RICTOR: variants seen among roughly 807,000 people sequenced by gnomAD.
RICTOR encodes RPTOR independent companion of MTOR complex 2, also known as rapamycin-insensitive companion of mTOR.
In RICTOR, 49 loss-of-function variants were observed where a neutral mutation model predicts 214.9. The observed-to-expected ratio is 0.23, with a 90% CI of 0.18 to 0.29. RICTOR has a LOEUF of 0.29. Ranked by LOEUF, RICTOR falls within the 10% of genes least tolerant of loss-of-function variation. The pLI is 1.00. For synonymous variants in RICTOR, 717 were observed against 711.3 expected (o/e 1.01, Z -0.13); for missense variants, 1,625 against 2,047.0 (o/e 0.79, Z 3.98).
chr5:38,959,311 G>T lies in RICTOR; in HGVS notation c.2062C>A (p.Leu688Ile). The T allele has an allele frequency of 6.5e-7, 1 of 1,531,370 alleles. No individual in the cohort carries two copies. Among genetic ancestry groups the T allele is most frequent in the South Asian group, 1.2e-5 (1 of 80,412 alleles). The allele number at this position is 1,531,370 out of a possible 1,614,324, so 94.9% of individuals were successfully genotyped here. Residue 688 changes from leucine to isoleucine, a missense_variant, in exon 22 of 38, where the codon CTT becomes ATT. This residue lies in a region of RICTOR where 1,214 missense variants were observed against 1,470.5 expected (regional missense o/e 0.83). Transcript: ENST00000357387. Reference protein sequence around the residue: ...KCSVFQCLLNLCSLKNQDHLL... With the variant: ...KCSVFQCLLNICSLKNQDHLL... ...TGATCTTGGTTTTTCAAGGAGCAAA[G>T]ATTAAGGAGACTTAAAAGAAAAAAA...
In RICTOR at chr5:39,074,115, G is replaced by A. The variant is rs754246719; in HGVS notation, c.93C>T (p.Thr31=). ...SGEENVPLDL[T]REPSDNLREI... ...GCCCGCGGCGCCCCGCGTTACCTCG[G>A]GTCAGATCCAGCGGGACGTTCTCCT... Residue 31 remains threonine (T), a synonymous_variant, in exon 2 of 38, where the codon ACC becomes ACT. Coordinates refer to ENST00000357387, the MANE Select transcript of RICTOR (RefSeq NM_152756.5). 1 of 1,577,844 alleles carries A rather than the reference G, an allele frequency of 6.3e-7. No homozygotes were observed. The highest frequency in any genetic ancestry group is 1.8e-5 in the Admixed American group (1 of 55,972).
At position 38,963,267 on chromosome 5, in the gene RICTOR, T is replaced by C. The variant is rs558491885; in HGVS notation, c.1401-226A>G. On this transcript the variant is annotated intron_variant, in intron 16 of 37. Transcript: ENST00000357387. ...CAATTGAACATGTACTTACTAAACTTTTCTTCTATGGTGGTAGGTATTTTT... is the reference window on the plus strand; with the variant it reads ...CAATTGAACATGTACTTACTAAACTCTTCTTCTATGGTGGTAGGTATTTTT... Among the ~76,000 whole-genome samples, 8 of 152,112 alleles carry C rather than the reference T, an allele frequency of 5.3e-5. No homozygotes were observed. In the South Asian group the frequency reaches 1.7e-3, roughly 32 times the overall value.
rs142070492 is a variant in RICTOR, at chr5:38,958,017, C to T, written c.2421-287G>A. Among the ~76,000 whole-genome samples, 38 of 152,250 alleles carry T rather than the reference C, an allele frequency of 2.5e-4. No individual in the cohort carries two copies. In the East Asian group the frequency reaches 6.2e-3, roughly 25 times the overall value. On this transcript the variant is annotated intron_variant, in intron 24 of 37. Coordinates refer to ENST00000357387, the MANE Select transcript of RICTOR (RefSeq NM_152756.5). ...CTGTGGGAGGCCAAGGTGAGTGGAT[C>T]ACCTGGTCAAGAGTTCAAGACCAGC... is the stretch of plus-strand genomic sequence containing the variant.
At chr5:38,975,471 T>G in intron 10 of RICTOR, 66 bp downstream of exon 10, 3 of 1,097,994 alleles carry the variant, frequency 2.7e-6, no homozygotes, top group Admixed American at 1.7e-5. Flanking sequence ...CAATAATAAT[T>G]TAACATTTGA....
At chr5:39,009,031 ATCAAC>A (rs1325196635) in intron 3 of RICTOR, among the ~76,000 whole-genome samples, 1 of 152,108 alleles carries the variant, frequency 6.6e-6, no homozygotes, top group East Asian at 1.9e-4. Flanking sequence ...ATTTACACAT[ATCAAC>A]TCAACTGCTT....
At chr5:39,030,779 GGTT>G (rs1424900763) in intron 2 of RICTOR, among the ~76,000 whole-genome samples, 1 of 151,996 alleles carries the variant, frequency 6.6e-6, no homozygotes, top group East Asian at 1.9e-4. Context: ...TTTAAGACCA[GGTT>G]GTTGTTGCTA....
intron 2 of RICTOR, among the ~76,000 whole-genome samples, chr5:39,043,688 T>C (rs1268504129): frequency 2.0e-5 from 3 of 152,186 alleles, no homozygotes; most frequent in Admixed American, 6.6e-5. Flanking sequence ...AAAGCTCTTG[T>C]TGAAATTTCA....
At chr5:39,004,305 T>C (rs1238910754) in intron 3 of RICTOR, among the ~76,000 whole-genome samples, 7 of 152,218 alleles carry the variant, frequency 4.6e-5, no homozygotes, top group African/African-American at 1.4e-4. Context: ...TTTTTTTACA[T>C]TGAAGTTTGA....
intron 2 of RICTOR, among the ~76,000 whole-genome samples, chr5:39,050,197 T>C (rs1414740342): frequency 6.9e-6 from 1 of 145,478 alleles, no homozygotes; most frequent in Non-Finnish European, 1.5e-5. Context: ...AATAAATAAA[T>C]AAATATATAT....
At chr5:39,063,885 G>C (rs1432396870) in intron 2 of RICTOR, among the ~76,000 whole-genome samples, 3 of 150,600 alleles carry the variant, frequency 2.0e-5, no homozygotes, top group Non-Finnish European at 2.9e-5. Context: ...TGAAAATCCA[G>C]GTAATTAAGG....
intron 2 of RICTOR, among the ~76,000 whole-genome samples, chr5:39,055,366 T>G (rs1017762063): frequency 6.6e-6 from 1 of 151,444 alleles, no homozygotes; most frequent in Non-Finnish European, 1.5e-5. Flanking sequence ...ACATGGTGCC[T>G]CCTCGGTATC....
chr5:38,968,737 T>TAAA (rs1157586174), intron 11 of RICTOR, among the ~76,000 whole-genome samples: 2 of 131,516 alleles, frequency 1.5e-5, no homozygotes, highest in African/African-American at 2.8e-5. Flanking sequence ...CCCTGCCTCT[T>TAAA]AAAAAAAAAA....
intron 2 of RICTOR, among the ~76,000 whole-genome samples, chr5:39,055,195 C>T (rs1410464302): frequency 6.6e-6 from 1 of 152,084 alleles, no homozygotes; most frequent in Non-Finnish European, 1.5e-5. Flanking sequence ...GTTGTACCAC[C>T]CTCTCCAAGT....
chr5:38,984,049 T>A (rs1390781714), intron 7 of RICTOR, among the ~76,000 whole-genome samples: 1 of 12,494 alleles, frequency 8.0e-5, no homozygotes, highest in Non-Finnish European at 2.7e-4. Context: ...AAGAATTACC[T>A]GTTTTTTTTT....
In RICTOR at chr5:38,949,704, T is replaced by C; in HGVS notation, c.4136+8A>G. On this transcript the variant is annotated splice_region_variant and intron_variant, in intron 31 of 37. Coordinates refer to ENST00000357387, the MANE Select transcript of RICTOR (RefSeq NM_152756.5). ...TTATTGGTCACTTCTAAACATATAT[T>C]TGCTTACCTGCTTGGTGTTAATCTG... 6.2e-7 allele frequency: 1 copy of C among 1,608,104 alleles called. No homozygotes were observed. The highest frequency in any genetic ancestry group is 8.5e-7 in the Non-Finnish European group (1 of 1,176,308).
chr5:38,946,396 T>C lies in RICTOR; in HGVS notation c.4399+72A>G, dbSNP rs572434975. The C allele has an allele frequency of 2.1e-5, 19 of 926,532 alleles. No individual in the cohort carries two copies. The African/African-American group carries it at 3.0e-4, about 14-fold the overall frequency. 57.4% of individuals were successfully genotyped at this position (926,532 alleles called of 1,614,324 possible). A position where few individuals can be genotyped will look rare whatever the true frequency, so the allele number is the denominator to read the frequency against. On this transcript the variant is annotated intron_variant, in intron 33 of 37. Coordinates refer to ENST00000357387, the MANE Select transcript of RICTOR (RefSeq NM_152756.5). ...TCTTCCTAAATTTTTAGTGTTATCC[T>C]ACTAGAAAGAACTAAGAGTTTTCTT...
At chr5:38,957,789 A>T (rs1385022869) in intron 24 of RICTOR, 59 bp from the exon 25 acceptor site, 1 of 910,154 alleles carries the variant, frequency 1.1e-6, no homozygotes, top group Admixed American at 2.4e-5. Context: ...TATCTTAAGA[A>T]GCTAAAATAA....
chr5:39,028,654 C>A (rs1355886467), intron 2 of RICTOR, among the ~76,000 whole-genome samples: 1 of 152,096 alleles, frequency 6.6e-6, no homozygotes, highest in Non-Finnish European at 1.5e-5. Context: ...TCATAACAGC[C>A]CCAAAGTGGA....
chr5:39,026,225 C>G (rs1338057250), intron 2 of RICTOR, among the ~76,000 whole-genome samples: 1 of 152,150 alleles, frequency 6.6e-6, no homozygotes, highest in Non-Finnish European at 1.5e-5. Flanking sequence ...CACCTGTAGT[C>G]CCATCTACTC....
Sources: gnomAD v4.1 joint callset for allele counts (sites outside exome capture counted in the v4.1 genomes callset) on GRCh38, gnomAD v4.1.1 for gene constraint, gnomAD v4.1.1 regional missense constraint, MANE v1.5 for transcripts, NCBI Gene and HGNC (gene_info 2026-07-23, HGNC 2026-07-21) for gene names.